Variants in BCLAF1 observed in about 807,000 individuals in gnomAD.
The protein encoded by BCLAF1 is bcl-2-associated transcription factor 1.
BCLAF1 carries 10 observed loss-of-function variants against 99.5 expected under a neutral mutation model. The ratio of observed to expected loss-of-function variants is 0.10; its 90% CI spans 0.06 to 0.17. The LOEUF is 0.17. Ranked by LOEUF, BCLAF1 falls within the 10% of genes least tolerant of loss-of-function variation. The pLI is 1.00. For synonymous variants in BCLAF1, 255 were observed against 370.9 expected, an observed-to-expected ratio of 0.69 and a Z score of 3.59; for missense variants, 636 against 1,105.8, an observed-to-expected ratio of 0.58 and a Z score of 6.02.
intron 1 of BCLAF1, among the ~76,000 whole-genome samples, chr6:136,285,970 C>A (rs1378301362): frequency 2.0e-5 from 3 of 152,006 alleles, no homozygotes; most frequent in Non-Finnish European, 4.4e-5. Context: ...TGGTGGTGCA[C>A]GCCCATAGTC....
In BCLAF1 at chr6:136,259,785, T is replaced by TTAAC. The variant is rs1432746160; in HGVS notation, c.*1321_*1324dup. 1 of 152,064 alleles carries TTAAC rather than the reference T, an allele frequency of 6.6e-6. No homozygotes were observed. The highest frequency in any genetic ancestry group is 1.5e-5 in the Non-Finnish European group (1 of 67,918). 9.4% of individuals were successfully genotyped at this position (152,064 alleles called of 1,614,324 possible). On this transcript the variant is annotated 3_prime_UTR_variant, in exon 13 of 13. Transcript: ENST00000531224. ...TTAACAGAATAAGCATTAGCTCCTT[T>TTAAC]TAACACACACACACAACTAAATTAA...
rs1406345505 is a variant in BCLAF1, at chr6:136,256,709, A to C, written c.*4401T>G. 6.1e-6 allele frequency: 1 copy of C among 162,740 alleles called. No individual in the cohort carries two copies. Among genetic ancestry groups the C allele is most frequent in the Non-Finnish European group, 1.3e-5 (1 of 78,228 alleles). 10.1% of individuals were successfully genotyped at this position (162,740 alleles called of 1,614,324 possible). Reference sequence around the variant, plus strand: ...TAAATAAATAAATAAATAAATAAATAATTCAAAGTGCATTTAACATTCTTT... The same window carrying C: ...TAAATAAATAAATAAATAAATAAATCATTCAAAGTGCATTTAACATTCTTT... On this transcript the variant is annotated 3_prime_UTR_variant, in exon 13 of 13. Transcript: ENST00000531224.
chr6:136,267,231 T>C (rs1384572479), intron 10 of BCLAF1, 56 bp from the exon 11 acceptor site: 3 of 1,552,270 alleles, frequency 1.9e-6, no homozygotes, highest in South Asian at 2.3e-5. Flanking sequence ...TTTAGTTACA[T>C]GCAAATTCTA....
At chr6:136,287,476 A>G (rs936025700) in intron 1 of BCLAF1, among the ~76,000 whole-genome samples, 1 of 152,234 alleles carries the variant, frequency 6.6e-6, no homozygotes, top group Non-Finnish European at 1.5e-5. Flanking sequence ...CCTGAGTATA[A>G]ACAATTAACA....
intron 1 of BCLAF1, among the ~76,000 whole-genome samples, chr6:136,284,072 TAAAC>T (rs1274623142): frequency 6.7e-6 from 1 of 149,512 alleles, no homozygotes; most frequent in Non-Finnish European, 1.5e-5. Flanking sequence ...AACACTTCCC[TAAAC>T]AATTCCAAAA....
At chr6:136,263,857 T>A (rs1242540915) in intron 11 of BCLAF1, among the ~76,000 whole-genome samples, 2 of 152,172 alleles carry the variant, frequency 1.3e-5, no homozygotes, top group Admixed American at 6.5e-5. Context: ...TCCTGGAATT[T>A]TTATTATTGA....
chr6:136,288,701 C>T (rs144105192), intron 1 of BCLAF1, among the ~76,000 whole-genome samples: 55 of 152,336 alleles, frequency 3.6e-4, no homozygotes, highest in African/African-American at 1.3e-3. Context: ...AAAGTAGCTG[C>T]TGGTACTTCA....
intron 10 of BCLAF1, 58 bp downstream of exon 10, chr6:136,268,104 T>G (rs1781973170): frequency 7.0e-6 from 10 of 1,418,442 alleles, no homozygotes; most frequent in Non-Finnish European, 9.4e-6. Flanking sequence ...ACCTTCCTTA[T>G]GTACAGTACT....
rs953519679 is a variant in BCLAF1, at chr6:136,270,993, CA to C, written c.2043+1001del. ...AACAAAAACAAAAAAAATAACAGAA[CA>C]AAAAAAAACCTTGTTTGTAAGCTCT... On this transcript the variant is annotated intron_variant, in intron 8 of 12. Transcript: ENST00000531224. Among the ~76,000 whole-genome samples the C allele has an allele frequency of 1.1e-4, 17 of 150,560 alleles. No homozygotes were observed. In the East Asian group the frequency reaches 2.3e-3, roughly 21 times the overall value.
chr6:136,289,388 C>G (rs1785632593), intron 1 of BCLAF1, among the ~76,000 whole-genome samples: 1 of 152,096 alleles, frequency 6.6e-6, no homozygotes, highest in African/African-American at 2.4e-5. Flanking sequence ...CGCAGAGGTA[C>G]GGGCTGAAGA....
At chr6:136,270,761 A>T (rs1782401100) in intron 8 of BCLAF1, among the ~76,000 whole-genome samples, 1 of 151,826 alleles carries the variant, frequency 6.6e-6, no homozygotes, top group South Asian at 2.1e-4. Context: ...TCTATTCATC[A>T]ATTATCTCTA....
At chr6:136,267,363 A>G (rs1781856005) in intron 10 of BCLAF1, among the ~76,000 whole-genome samples, 188 bp from the exon 11 acceptor site, 1 of 152,078 alleles carries the variant, frequency 6.6e-6, no homozygotes, top group African/African-American at 2.4e-5. Flanking sequence ...CTAAAAGTTG[A>G]GTAGGTTAAG....
At chr6:136,262,068 C>T (rs1409273204) in intron 11 of BCLAF1, among the ~76,000 whole-genome samples, 1 of 152,130 alleles carries the variant, frequency 6.6e-6, no homozygotes, top group Non-Finnish European at 1.5e-5. Flanking sequence ...CTAGAATTAA[C>T]ATCTCACTCA....
intron 6 of BCLAF1, among the ~76,000 whole-genome samples, chr6:136,274,692 G>A (rs1783010377): frequency 6.6e-6 from 1 of 151,986 alleles, no homozygotes; most frequent in Non-Finnish European, 1.5e-5. Flanking sequence ...AGTCTTTGAA[G>A]TTCCTGAGAA....
chr6:136,269,160 G>T, intron 9 of BCLAF1: 1 of 1,258,716 alleles, frequency 7.9e-7, no homozygotes, highest in South Asian at 1.7e-5. Context: ...TTCTAGAAAT[G>T]CACTGCATTG....
In BCLAF1 at chr6:136,259,708, G is replaced by C. The variant is rs749896964; in HGVS notation, c.*1402C>G. 23 of 151,878 alleles carry C rather than the reference G, an allele frequency of 1.5e-4. No individual in the cohort carries two copies. The highest frequency in any genetic ancestry group is 5.6e-4 in the African/African-American group (23 of 41,356). 9.4% of individuals were successfully genotyped at this position (151,878 alleles called of 1,614,324 possible). A position where few individuals can be genotyped will look rare whatever the true frequency, so the allele number is the denominator to read the frequency against. On this transcript the variant is annotated 3_prime_UTR_variant, in exon 13 of 13. Transcript: ENST00000531224. ...GGTGCTAGACGCACTGCAAATCCTCGAAAGTGTTTAAGATGAAAGAGCAAT... is the reference window on the plus strand; with the variant it reads ...GGTGCTAGACGCACTGCAAATCCTCCAAAGTGTTTAAGATGAAAGAGCAAT...
rs1405612967 is a variant in BCLAF1 at position 136,260,419 on chromosome 6, A to G, written c.*691T>C. 9 of 152,134 alleles carry G rather than the reference A, an allele frequency of 5.9e-5. No individual in the cohort carries two copies. The highest frequency in any genetic ancestry group is 1.7e-4 in the African/African-American group (7 of 41,460). 9.4% of individuals were successfully genotyped at this position (152,134 alleles called of 1,614,324 possible). ...AACACACAGTTTTGAACGCAAATAG[A>G]AAAGGCTCCTAAGAATGTTCTTTAT... On this transcript the variant is annotated 3_prime_UTR_variant, in exon 13 of 13. Transcript: ENST00000531224.
At chr6:136,267,256 A>G in intron 10 of BCLAF1, 81 bp from the exon 11 acceptor site, 1 of 1,444,132 alleles carries the variant, frequency 6.9e-7, no homozygotes, top group Non-Finnish European at 9.5e-7. Context: ...TACTGCAGTA[A>G]CAAAAAACAT....
chr6:136,273,194 AT>A lies in BCLAF1; in HGVS notation c.1853-8del, dbSNP rs1213676056. On this transcript the variant is annotated splice_region_variant and splice_polypyrimidine_tract_variant and intron_variant, in intron 6 of 12. Coordinates refer to ENST00000531224, the MANE Select transcript of BCLAF1 (RefSeq NM_014739.3). Reference sequence around the variant, plus strand: ...GCTGACTTGAAGTATTGCTCTGTTGATTTAGAAGAAATACTGTCCGATTAGT... The same window carrying A: ...GCTGACTTGAAGTATTGCTCTGTTGATTAGAAGAAATACTGTCCGATTAGT... 2 of 1,608,180 alleles carry A rather than the reference AT, an allele frequency of 1.2e-6. No individual in the cohort carries two copies. The highest frequency in any genetic ancestry group is 1.7e-6 in the Non-Finnish European group (2 of 1,176,068).
Sources: allele counts gnomAD v4.1 joint callset (sites outside exome capture counted in the v4.1 genomes callset), GRCh38; gene constraint gnomAD v4.1.1; transcripts MANE v1.5; gene names NCBI Gene and HGNC (gene_info 2026-07-23, HGNC 2026-07-21).